The following TRIM35 variants were observed in gnomAD, a reference collection of about 807,000 sequenced individuals.
The protein encoded by TRIM35 is E3 ubiquitin-protein ligase TRIM35.
Under a neutral mutation model 49.1 loss-of-function variants are expected in TRIM35, and 37 were observed. That is an observed-to-expected ratio of 0.75 (90% CI 0.58 to 0.99). TRIM35 has a LOEUF of 0.99. TRIM35 is among the 50% of genes least tolerant of loss of function. The pLI is 0.00. For synonymous variants in TRIM35, 302 were observed against 289.3 expected (o/e 1.04, Z -0.45); for missense variants, 648 against 702.7 (o/e 0.92, Z 0.88).
At position 27,286,565 on chromosome 8, in the gene TRIM35, G is replaced by T; in HGVS notation, c.*985C>A. 4.9e-6 allele frequency: 1 copy of T among 202,100 alleles called. No individual in the cohort carries two copies. Among genetic ancestry groups the T allele is most frequent in the Admixed American group, 5.4e-5 (1 of 18,358 alleles). The allele number at this position is 202,100 out of a possible 1,614,324, so 12.5% of individuals were successfully genotyped here. A position where few individuals can be genotyped will look rare whatever the true frequency, so the allele number is the denominator to read the frequency against. On this transcript the variant is annotated 3_prime_UTR_variant, in exon 6 of 6. Coordinates refer to ENST00000305364, the MANE Select transcript of TRIM35 (RefSeq NM_171982.5). ...GGGAAACAGGCCTGGCAAGGAAATA[G>T]GCCGAAATCACGATTTAAAAAATGT...
At chr8:27,295,909 T>C (rs1017165381) in intron 2 of TRIM35, among the ~76,000 whole-genome samples, 31 of 152,318 alleles carry the variant, frequency 2.0e-4, no homozygotes, top group African/African-American at 5.8e-4. Context: ...CAAATGGCTA[T>C]TATTATTAAT....
intron 1 of TRIM35, 38 bp downstream of exon 1, chr8:27,310,763 A>G: frequency 2.0e-6 from 3 of 1,537,874 alleles, no homozygotes; most frequent in Non-Finnish European, 2.6e-6. Flanking sequence ...CGGGTTCCAG[A>G]CCCGGCTCGG....
intron 1 of TRIM35, among the ~76,000 whole-genome samples, chr8:27,302,381 ATT>A (rs1802697976): frequency 6.6e-6 from 1 of 151,970 alleles, no homozygotes; most frequent in African/African-American, 2.4e-5. Flanking sequence ...TAGTTATCTT[ATT>A]TTTTATATTA....
intron 3 of TRIM35, among the ~76,000 whole-genome samples, chr8:27,290,382 T>G (rs1360149082): frequency 6.6e-6 from 1 of 152,170 alleles, no homozygotes; most frequent in African/African-American, 2.4e-5. Context: ...GCGACAGTGT[T>G]GGGAGGAAAG....
intron 1 of TRIM35, among the ~76,000 whole-genome samples, chr8:27,305,391 T>G (rs546955282): frequency 9.8e-5 from 15 of 152,336 alleles, no homozygotes; most frequent in African/African-American, 2.6e-4. Flanking sequence ...AGCCTCAGTG[T>G]GCAGGGTCTA....
At chr8:27,292,188 C>T (rs1456421474) in intron 3 of TRIM35, among the ~76,000 whole-genome samples, 1 of 152,204 alleles carries the variant, frequency 6.6e-6, no homozygotes, top group Non-Finnish European at 1.5e-5. Context: ...TTTTACTGTA[C>T]TTTTTCTATG....
At chr8:27,299,682 T>C (rs1305489367) in intron 1 of TRIM35, among the ~76,000 whole-genome samples, 1 of 152,234 alleles carries the variant, frequency 6.6e-6, no homozygotes, top group Middle Eastern at 3.4e-3. Context: ...TATGCAGCAA[T>C]AAATTATACA....
At position 27,289,432 on chromosome 8, in the gene TRIM35, C is replaced by T. The variant is rs559133006; in HGVS notation, c.786-152G>A. On this transcript the variant is annotated intron_variant, in intron 4 of 5. Transcript: ENST00000305364. ...TCCAAGACAAGACTGGACTGGGCTA[C>T]GATGGGAGATGGGCCAAGGCCAACA... 7.9e-4 allele frequency: 505 copies of T among 636,672 alleles called. 9 individuals carry two copies. In the South Asian group the frequency reaches 8.0e-3, roughly 10 times the overall value. 39.4% of individuals were successfully genotyped at this position (636,672 alleles called of 1,614,324 possible).
At chr8:27,288,879 T>C (rs1008231251) in intron 5 of TRIM35, among the ~76,000 whole-genome samples, 1 of 152,120 alleles carries the variant, frequency 6.6e-6, no homozygotes, top group African/African-American at 2.4e-5. Context: ...AAAACACAGT[T>C]CTGAATAGGC....
chr8:27,311,068 G>A lies in TRIM35; in HGVS notation c.168C>T (p.Thr56=). The change falls in exon 1 of 6, where the codon ACC becomes ACT. Residue 56 remains threonine (T), a synonymous_variant. Transcript: ENST00000305364. ...ACGCGCGGTCTTTGCACACTGGGCAGGTGGGCGACACCTGCACCTCCCAGC... is the reference window on the plus strand; with the variant it reads ...ACGCGCGGTCTTTGCACACTGGGCAAGTGGGCGACACCTGCACCTCCCAGC... ...SRCWEVQVSP[T]CPVCKDRASP... The A allele has an allele frequency of 1.3e-6, 2 of 1,597,146 alleles. No homozygotes were observed. Among genetic ancestry groups the A allele is most frequent in the Non-Finnish European group, 1.7e-6 (2 of 1,172,770 alleles).
At chr8:27,304,879 A>T (rs983749078) in intron 1 of TRIM35, 1 of 443,082 alleles carries the variant, frequency 2.3e-6, no homozygotes, top group Non-Finnish European at 4.5e-6. Context: ...TCACCTTAAA[A>T]ATGAAAGCAG....
intron 1 of TRIM35, among the ~76,000 whole-genome samples, 155 bp from the exon 2 acceptor site, chr8:27,298,714 C>T (rs1484509644): frequency 6.6e-6 from 1 of 152,198 alleles, no homozygotes. Context: ...GTGCTCTGGG[C>T]ACAAATGGTA....
chr8:27,295,537 G>A (rs1391434841), intron 2 of TRIM35, among the ~76,000 whole-genome samples: 1 of 152,196 alleles, frequency 6.6e-6, no homozygotes, highest in Non-Finnish European at 1.5e-5. Flanking sequence ...TCATAGGTTA[G>A]CCTAGCCTAC....
intron 3 of TRIM35, among the ~76,000 whole-genome samples, chr8:27,291,800 A>G (rs905419711): frequency 5.3e-5 from 8 of 152,210 alleles, no homozygotes; most frequent in Non-Finnish European, 1.2e-4. Context: ...ATGCTGTGTC[A>G]TCCCATGGCA....
intron 1 of TRIM35, among the ~76,000 whole-genome samples, chr8:27,301,880 G>A (rs1181058001): frequency 2.0e-5 from 3 of 152,046 alleles, no homozygotes; most frequent in African/African-American, 7.3e-5. Flanking sequence ...GTTTATTTTT[G>A]CACATGGTGT....
chr8:27,284,964 T>C lies in TRIM35; in HGVS notation c.*2586A>G, dbSNP rs550899930. ...CTCACGGAGAAAAATTTTATAATCA[T>C]ATACCAGTTAAAGGGACTTGTGCCA... On this transcript the variant is annotated 3_prime_UTR_variant, in exon 6 of 6. Coordinates refer to ENST00000305364, the MANE Select transcript of TRIM35 (RefSeq NM_171982.5). 1 of 152,302 alleles carries C rather than the reference T, an allele frequency of 6.6e-6. No homozygotes were observed. Among genetic ancestry groups the C allele is most frequent in the Admixed American group, 6.5e-5 (1 of 15,300 alleles). 9.4% of individuals were successfully genotyped at this position (152,302 alleles called of 1,614,324 possible).
rs567438983 is a variant in TRIM35 at position 27,291,820 on chromosome 8, A to C, written c.763-1642T>G. Among the ~76,000 whole-genome samples, 12 of 152,310 alleles carry C rather than the reference A, an allele frequency of 7.9e-5. No individual in the cohort carries two copies. In the South Asian group the frequency reaches 2.1e-3, roughly 26 times the overall value. ...GTGTCATCCCATGGCAGAAGGAAGAAGGGCAAGAGACTACACATAAGACCA... is the reference window on the plus strand; with the variant it reads ...GTGTCATCCCATGGCAGAAGGAAGACGGGCAAGAGACTACACATAAGACCA... On this transcript the variant is annotated intron_variant, in intron 3 of 5. Coordinates refer to ENST00000305364, the MANE Select transcript of TRIM35 (RefSeq NM_171982.5).
intron 3 of TRIM35, among the ~76,000 whole-genome samples, chr8:27,292,601 T>A (rs1258639611): frequency 6.6e-6 from 1 of 152,234 alleles, no homozygotes; most frequent in Non-Finnish European, 1.5e-5. Flanking sequence ...GGTAAATCCA[T>A]ATAGATAGTA....
rs1264516076 is a variant in TRIM35 at position 27,289,203 on chromosome 8, T to G, written c.863A>C (p.Gln288Pro). 3 of 1,614,136 alleles carry G rather than the reference T, an allele frequency of 1.9e-6. No homozygotes were observed. The highest frequency in any genetic ancestry group is 2.5e-6 in the Non-Finnish European group (3 of 1,179,994). Residue 288 changes from glutamine (Q) to proline (P), a missense_variant, in exon 5 of 6, where the codon CAG (glutamine) becomes CCG (proline). Gln to Pro is a moderately conservative substitution (Grantham distance 76, BLOSUM62 -1). Transcript: ENST00000305364. ...AAGCATCTTCTTCCAGACGCGGTACTGCAGGGAGCCCAGGTACTTGCAGAC... is the reference window on the plus strand; with the variant it reads ...AAGCATCTTCTTCCAGACGCGGTACGGCAGGGAGCCCAGGTACTTGCAGAC... ...IDVCKYLGSL[Q>P]YRVWKKMLAS...
Sources: gnomAD v4.1 joint callset for allele counts (sites outside exome capture counted in the v4.1 genomes callset) on GRCh38, gnomAD v4.1.1 for gene constraint, MANE v1.5 for transcripts, NCBI Gene and HGNC (gene_info 2026-07-23, HGNC 2026-07-21) for gene names.